NRG1: variants seen among roughly 807,000 people sequenced by gnomAD.
NRG1 encodes neuregulin 1, also known as pro-neuregulin-1, membrane-bound isoform.
Under a neutral mutation model 63.8 loss-of-function variants are expected in NRG1, and 18 were observed. The ratio of observed to expected loss-of-function variants is 0.28; its 90% confidence interval spans 0.19 to 0.42. The LOEUF (loss-of-function observed/expected upper bound fraction) is 0.42. Among genes scored for constraint, NRG1 ranks in the 10% least tolerant of loss-of-function variants. The probability of loss-of-function intolerance (pLI) is 1.00; values close to 1 mark genes in which losing one functional copy is unlikely to be tolerated. For synonymous variants in NRG1, 302 were observed against 301.3 expected (o/e 1.00, Z -0.02); for missense variants, 762 against 814.7 (o/e 0.94, Z 0.79).
At chr8:32,307,933 AG>A (rs776961596) in intron 1 of NRG1, among the ~76,000 whole-genome samples, 1 of 152,112 alleles carries the variant, frequency 6.6e-6, no homozygotes, top group East Asian at 1.9e-4. Flanking sequence ...AACCCTTTCC[AG>A]CCTCAGAAAT....
At chr8:32,588,648 G>A (rs369507084) in intron 1 of NRG1, among the ~76,000 whole-genome samples, 4 of 152,260 alleles carry the variant, frequency 2.6e-5, no homozygotes, top group African/African-American at 7.2e-5. Flanking sequence ...TATACACATC[G>A]TTGGATTACA....
intron 1 of NRG1, among the ~76,000 whole-genome samples, chr8:31,839,619 T>C (rs540456597): frequency 6.6e-6 from 1 of 152,344 alleles, no homozygotes; most frequent in South Asian, 2.1e-4. Flanking sequence ...AGGTGTTTTA[T>C]GTTGCAAAGT....
intron 1 of NRG1, among the ~76,000 whole-genome samples, chr8:32,409,269 A>G (rs1442653657): frequency 6.6e-6 from 1 of 152,196 alleles, no homozygotes; most frequent in Admixed American, 6.6e-5. Flanking sequence ...TGAATTAAAG[A>G]TTTAAATGTA....
chr8:32,521,433 G>T (rs1354908965), intron 1 of NRG1, among the ~76,000 whole-genome samples: 1 of 152,138 alleles, frequency 6.6e-6, no homozygotes, highest in Non-Finnish European at 1.5e-5. Flanking sequence ...CATGGAACTG[G>T]CTCGTGATGC....
chr8:31,773,722 A>G (rs561787944), intron 1 of NRG1, among the ~76,000 whole-genome samples: 44 of 152,294 alleles, frequency 2.9e-4, no homozygotes, highest in Admixed American at 2.8e-3. Flanking sequence ...CTCTCTCCAT[A>G]TATAAGTCCT....
At chr8:31,740,559 C>T (rs184264454) in intron 1 of NRG1, among the ~76,000 whole-genome samples, 4 of 152,072 alleles carry the variant, frequency 2.6e-5, no homozygotes, top group Non-Finnish European at 2.9e-5. Flanking sequence ...ATGTCCATGA[C>T]TTCTTTCATT....
chr8:32,040,672 T>TAC (rs1225744670), intron 1 of NRG1, among the ~76,000 whole-genome samples: 8 of 137,512 alleles, frequency 5.8e-5, no homozygotes, highest in Non-Finnish European at 1.2e-4. Flanking sequence ...TATATGTATA[T>TAC]ACACACACAC....
chr8:32,630,144 C>T (rs1259560128), intron 5 of NRG1, among the ~76,000 whole-genome samples: 1 of 152,128 alleles, frequency 6.6e-6, no homozygotes, highest in Non-Finnish European at 1.5e-5. Flanking sequence ...CAGAAGAACA[C>T]TTTTTGAGCT....
At chr8:32,413,748 A>C (rs1411042833) in intron 1 of NRG1, among the ~76,000 whole-genome samples, 1 of 152,198 alleles carries the variant, frequency 6.6e-6, no homozygotes, top group East Asian at 1.9e-4. Context: ...ATGCATAGGC[A>C]GTGTGCATCT....
intron 1 of NRG1, among the ~76,000 whole-genome samples, chr8:31,980,568 A>G (rs1808905499): frequency 6.6e-6 from 1 of 152,068 alleles, no homozygotes; most frequent in Non-Finnish European, 1.5e-5. Flanking sequence ...AAAGTGTGGA[A>G]TTGGGTATTT....
intron 1 of NRG1, among the ~76,000 whole-genome samples, chr8:32,185,726 T>A (rs1400040067): frequency 6.6e-6 from 1 of 152,192 alleles, no homozygotes; most frequent in African/African-American, 2.4e-5. Context: ...TCACACTTTG[T>A]CATGCATTGA....
chr8:32,584,133 G>C (rs2466063), intron 1 of NRG1, among the ~76,000 whole-genome samples: 1 of 152,152 alleles, frequency 6.6e-6, no homozygotes, highest in South Asian at 2.1e-4. Flanking sequence ...TCCATCATAC[G>C]GTTTGACTTT....
intron 1 of NRG1, among the ~76,000 whole-genome samples, chr8:31,918,185 A>G (rs1016219731): frequency 6.6e-6 from 1 of 152,086 alleles, no homozygotes; most frequent in African/African-American, 2.4e-5. Flanking sequence ...CTAATTGAAT[A>G]CCCTTTATTT....
downstream of NRG1, chr8:32,768,099 C>G (rs750139695): frequency 3.9e-5 from 6 of 152,212 alleles, no homozygotes; most frequent in African/African-American, 7.2e-5. Context: ...TCTTGTCTGT[C>G]CATTGCTTTT....
At chr8:32,381,000 T>C (rs1201837779) in intron 1 of NRG1, among the ~76,000 whole-genome samples, 1 of 152,202 alleles carries the variant, frequency 6.6e-6, no homozygotes, top group East Asian at 1.9e-4. Flanking sequence ...CATGTAACGC[T>C]AGATCTTATT....
intron 1 of NRG1, among the ~76,000 whole-genome samples, chr8:32,151,174 T>C (rs1837463698): frequency 6.6e-6 from 1 of 152,112 alleles, no homozygotes; most frequent in Non-Finnish European, 1.5e-5. Context: ...GAAAATAATG[T>C]CATGTTCATT....
At chr8:32,141,618 ATATATATATATG>A (rs1264200394) in intron 1 of NRG1, among the ~76,000 whole-genome samples, 1 of 133,522 alleles carries the variant, frequency 7.5e-6, no homozygotes, top group Non-Finnish European at 1.6e-5. Flanking sequence ...ATATATATAT[ATATATATATATG>A]AATGATGCAT....
chr8:32,226,474 G>T (rs1846337035), intron 1 of NRG1, among the ~76,000 whole-genome samples: 1 of 152,090 alleles, frequency 6.6e-6, no homozygotes, highest in Non-Finnish European at 1.5e-5. Context: ...GAGTGTTAAA[G>T]GGTACATTGC....
At chr8:32,706,555 GT>G (rs1243000633) in intron 5 of NRG1, among the ~76,000 whole-genome samples, 1 of 19,470 alleles carries the variant, frequency 5.1e-5, no homozygotes, top group Non-Finnish European at 3.2e-4. Flanking sequence ...ATATATAGGT[GT>G]GTGTGTGTGT....
Sources: gnomAD v4.1 joint callset for allele counts (sites outside exome capture counted in the v4.1 genomes callset) on GRCh38, gnomAD v4.1.1 for gene constraint, MANE v1.5 for transcripts, NCBI Gene and HGNC (gene_info 2026-07-23, HGNC 2026-07-21) for gene names.